The following DLG3 variants were observed in gnomAD, a reference collection of about 807,000 sequenced individuals.
DLG3 encodes disks large homolog 3.
Under a neutral mutation model 64.1 loss-of-function variants are expected in DLG3, and 1 was observed. The observed-to-expected ratio is 0.02, with a 90% CI of 0.01 to 0.07. The LOEUF is 0.07. Ranked by LOEUF, DLG3 falls within the 10% of genes least tolerant of loss-of-function variation. The pLI, the probability that DLG3 is intolerant of heterozygous loss-of-function variation, is 1.00. For missense variants in DLG3, 429 were observed against 669.5 expected, an observed-to-expected ratio of 0.64 and a Z score of 3.96; for synonymous variants, 245 against 259.8, an observed-to-expected ratio of 0.94 and a Z score of 0.55.
chrX:70,450,910 A>C, intron 6 of DLG3, 127 bp downstream of exon 6: 1 of 899,342 alleles, frequency 1.1e-6, no homozygotes, highest in Non-Finnish European at 1.6e-6. Context: ...TGTAGCAGCC[A>C]ATAAGGTTTA....
chrX:70,475,881 T>C (rs899743948), intron 9 of DLG3, among the ~76,000 whole-genome samples: 1 of 112,169 alleles, frequency 8.9e-6, no homozygotes, highest in African/African-American at 3.2e-5. Context: ...CCAAGTTTTA[T>C]TTTTGAGAGC....
At chrX:70,452,362 C>T (rs1734248632) in intron 7 of DLG3, 10 of 971,136 alleles carry the variant, frequency 1.0e-5, no homozygotes, top group Non-Finnish European at 1.3e-5. Flanking sequence ...GCAGCCCGCT[C>T]TGCTGCAACC....
At position 70,500,572 on chromosome X, in the gene DLG3, A is replaced by C; in HGVS notation, c.2247A>C (p.Glu749Asp). Residue 749 changes from glutamate to aspartate, a missense_variant, in exon 17 of 19, where the codon GAA (glutamate) becomes GAC (aspartate). Glu to Asp is a conservative substitution (Grantham distance 45, BLOSUM62 2). Coordinates refer to ENST00000374360, the MANE Select transcript of DLG3 (RefSeq NM_021120.4). ...IAIFIKPKSI[E>D]ALMEMNRRQT... The stretch of plus-strand genomic sequence containing the variant: ...TTTTCATCAAGCCCAAGTCCATTGA[A>C]GCCCTTATGTAAGTGTTGAACTGAG... 4 of 1,193,999 alleles carry C rather than the reference A, an allele frequency of 3.4e-6. No individual in the cohort carries two copies. The highest frequency in any genetic ancestry group is 4.5e-6 in the Non-Finnish European group (4 of 879,208).
In DLG3 at chrX:70,500,352, C is replaced by T. The variant is rs773449225; in HGVS notation, c.2146-119C>T. 24 of 608,281 alleles carry T rather than the reference C, an allele frequency of 3.9e-5. No homozygotes were observed. The East Asian group carries it at 4.6e-4, about 12-fold the overall frequency. The allele number at this position is 608,281 out of a possible 1,213,427, so 50.1% of individuals were successfully genotyped here. On this transcript the variant is annotated intron_variant, in intron 16 of 18. Transcript: ENST00000374360. The stretch of plus-strand genomic sequence containing the variant: ...TTCTTAGGCCACTTTGGGTGGCCCT[C>T]GTGCCCCTCCCCTCACCCCCACCCC...
chrX:70,498,187 T>C (rs1005054356), intron 13 of DLG3, among the ~76,000 whole-genome samples: 2 of 112,641 alleles, frequency 1.8e-5, no homozygotes, highest in Non-Finnish European at 3.8e-5. Context: ...CTGTCATTCT[T>C]ACCAGAGCAA....
chrX:70,482,179 C>T (rs1235850491), intron 10 of DLG3, among the ~76,000 whole-genome samples: 2 of 112,163 alleles, frequency 1.8e-5, no homozygotes, highest in African/African-American at 3.2e-5. Flanking sequence ...TGGACTGCTT[C>T]CGGATATAGT....
At chrX:70,498,463 A>G (rs1176762800) in intron 13 of DLG3, 57 bp from the exon 14 acceptor site, 4 of 1,123,236 alleles carry the variant, frequency 3.6e-6, no homozygotes, top group Non-Finnish European at 3.7e-6. Flanking sequence ...TACGGGGAGT[A>G]CTGTACAGAA....
At chrX:70,481,017 G>C (rs2087145294) in intron 10 of DLG3, among the ~76,000 whole-genome samples, 1 of 112,208 alleles carries the variant, frequency 8.9e-6, no homozygotes, top group South Asian at 3.7e-4. Flanking sequence ...ACCTTCTCTA[G>C]ATAAATTATC....
At chrX:70,461,925 T>C (rs1487450624) in intron 9 of DLG3, among the ~76,000 whole-genome samples, 1 of 111,000 alleles carries the variant, frequency 9.0e-6, no homozygotes, top group Non-Finnish European at 1.9e-5. Flanking sequence ...AATGCACTCA[T>C]TGAAAGGGTA....
At chrX:70,447,521 TCC>T (rs935125824) in intron 1 of DLG3, among the ~76,000 whole-genome samples, 3 of 112,140 alleles carry the variant, frequency 2.7e-5, no homozygotes, top group Non-Finnish European at 5.6e-5. Flanking sequence ...TAGTCCTCTC[TCC>T]CTCTCCTCCT....
In DLG3 at chrX:70,502,503, C is replaced by T; in HGVS notation, c.*234C>T. 1 of 343,246 alleles carries T rather than the reference C, an allele frequency of 2.9e-6. No individual in the cohort carries two copies. Among genetic ancestry groups the T allele is most frequent in the Non-Finnish European group, 5.1e-6 (1 of 194,484 alleles). The allele number at this position is 343,246 out of a possible 1,213,427, so 28.3% of individuals were successfully genotyped here. On this transcript the variant is annotated 3_prime_UTR_variant, in exon 19 of 19. Coordinates refer to ENST00000374360, the MANE Select transcript of DLG3 (RefSeq NM_021120.4). ...ATCTCATTCATCATGTGACTGTGCCCATTCCTGCATGGACCTTTCCCAAGC... is the reference window on the plus strand; with the variant it reads ...ATCTCATTCATCATGTGACTGTGCCTATTCCTGCATGGACCTTTCCCAAGC...
intron 9 of DLG3, among the ~76,000 whole-genome samples, chrX:70,478,522 G>T (rs2087096468): frequency 9.0e-6 from 1 of 111,415 alleles, no homozygotes; most frequent in South Asian, 3.8e-4. Flanking sequence ...AGAGGCTATT[G>T]GTTAAAAGGG....
Position 70,454,319 on chromosome X carries a change from A to G in DLG3, c.1405+3A>G. 5 of 1,199,726 alleles carry G rather than the reference A, an allele frequency of 4.2e-6. No homozygotes were observed. The highest frequency in any genetic ancestry group is 5.6e-6 in the Non-Finnish European group (5 of 885,303). On this transcript the variant is annotated splice_donor_region_variant and intron_variant, in intron 9 of 18. Coordinates refer to ENST00000374360, the MANE Select transcript of DLG3 (RefSeq NM_021120.4). Reference sequence around the variant, plus strand: ...TGTGGCCCAGTACAGACCTGAAGGTAGGAGAAGGGAAGGTGGGAAGAGATG... The same window carrying G: ...TGTGGCCCAGTACAGACCTGAAGGTGGGAGAAGGGAAGGTGGGAAGAGATG...
intron 10 of DLG3, among the ~76,000 whole-genome samples, chrX:70,490,714 T>C (rs2087343160): frequency 8.9e-6 from 1 of 111,891 alleles, no homozygotes; most frequent in South Asian, 3.7e-4. Context: ...GGCCACAGTA[T>C]TGCAGGTAGA....
intron 9 of DLG3, among the ~76,000 whole-genome samples, chrX:70,474,901 T>C (rs1230517491): frequency 1.8e-5 from 2 of 112,325 alleles, no homozygotes; most frequent in Non-Finnish European, 3.8e-5. Context: ...AGTGGAATAG[T>C]AGTTTATCCT....
intron 4 of DLG3, 59 bp from the exon 5 acceptor site, chrX:70,450,110 C>G (rs1332126139): frequency 2.5e-6 from 3 of 1,192,757 alleles, no homozygotes; most frequent in South Asian, 1.8e-5. Flanking sequence ...GATTTGGGAT[C>G]GACAACACTT....
intron 10 of DLG3, among the ~76,000 whole-genome samples, chrX:70,484,183 G>A (rs1176226258): frequency 8.9e-6 from 1 of 111,962 alleles, no homozygotes; most frequent in African/African-American, 3.2e-5. Flanking sequence ...AAGTCCGTTC[G>A]GGCTAGCCTG....
Position 70,500,989 on chromosome X carries a change from G to A in DLG3, c.2347G>A (p.Ala783Thr), listed in dbSNP as rs933729909. The A allele has an allele frequency of 4.2e-6, 5 of 1,176,655 alleles. No homozygotes were observed. Among genetic ancestry groups the A allele is most frequent in the Non-Finnish European group, 5.7e-6 (5 of 872,472 alleles). ...GCAGGAATTTGGAGAGTACTTTACA[G>A]GTAAGACTCCTGCTGCCCTGCGGGG... is the stretch of plus-strand genomic sequence containing the variant. Reference protein sequence around the residue: ...LEQEFGEYFTAIVQGDSLEEI... With the variant: ...LEQEFGEYFTTIVQGDSLEEI... The change falls in exon 18 of 19, where the codon GCC becomes ACC. Residue 783 changes from alanine (A) to threonine (T), a missense_variant and splice_region_variant. Physicochemically the swap from Ala to Thr is moderately conservative, Grantham distance 58 (BLOSUM62 0). Transcript: ENST00000374360.
intron 13 of DLG3, chrX:70,497,120 C>T (rs139361489): frequency 2.3e-5 from 26 of 1,114,772 alleles, no homozygotes; most frequent in South Asian, 5.5e-5. Flanking sequence ...GAGTTTTGTG[C>T]TGCATGTGAC....
Sources: gnomAD v4.1 joint callset for allele counts (sites outside exome capture counted in the v4.1 genomes callset) on GRCh38, gnomAD v4.1.1 for gene constraint, MANE v1.5 for transcripts, NCBI Gene and HGNC (gene_info 2026-07-23, HGNC 2026-07-21) for gene names.